SUGCT: variants seen among roughly 807,000 people sequenced by gnomAD.
SUGCT encodes succinyl-CoA:glutarate CoA-transferase.
SUGCT carries 41 observed loss-of-function variants against 55.0 expected under a neutral mutation model. The ratio of observed to expected loss-of-function variants is 0.74; its 90% CI spans 0.58 to 0.97. SUGCT has a LOEUF of 0.97. SUGCT is among the 50% of genes least tolerant of loss of function. The pLI is 0.00. For synonymous variants in SUGCT, 187 were observed against 200.4 expected (o/e 0.93, Z 0.56); for missense variants, 568 against 547.8 (o/e 1.04, Z -0.37).
rs907422081 is a variant in SUGCT, at chr7:40,393,069, C to G, written c.817-56218C>G. On this transcript the variant is annotated intron_variant, in intron 9 of 13. Transcript: ENST00000335693. ...ATTGACCATATGAGTCTGATCTTGT[C>G]GGCAGAGATTTGGGGTGGAAACAGT... 1.9e-4 allele frequency among the ~76,000 whole-genome samples: 29 copies of G among 152,074 alleles called. 1 individual carries two copies. The highest frequency in any genetic ancestry group is 1.8e-3 in the Admixed American group (28 of 15,252).
chr7:40,646,690 C>T (rs545455483), intron 12 of SUGCT, among the ~76,000 whole-genome samples: 10 of 152,310 alleles, frequency 6.6e-5, no homozygotes, highest in Non-Finnish European at 1.3e-4. Flanking sequence ...TTGTCACCTC[C>T]ACAAACAGGC....
At chr7:40,609,929 G>A (rs750719717) in intron 12 of SUGCT, among the ~76,000 whole-genome samples, 1 of 152,170 alleles carries the variant, frequency 6.6e-6, no homozygotes, top group African/African-American at 2.4e-5. Context: ...CAATGTAAGT[G>A]TTCAGGCTAT....
intron 5 of SUGCT, among the ~76,000 whole-genome samples, chr7:40,192,738 T>C (rs921112601): frequency 1.3e-5 from 2 of 151,118 alleles, no homozygotes; most frequent in Non-Finnish European, 2.9e-5. Flanking sequence ...TTCAAGCAAT[T>C]CTCCTGTCTC....
intron 9 of SUGCT, among the ~76,000 whole-genome samples, chr7:40,368,116 T>A (rs1056085337): frequency 6.6e-6 from 1 of 152,182 alleles, no homozygotes; most frequent in African/African-American, 2.4e-5. Context: ...AAAGTCTTCC[T>A]TGACCTCTTA....
intron 8 of SUGCT, among the ~76,000 whole-genome samples, chr7:40,315,339 G>A (rs894328791): frequency 2.0e-5 from 3 of 152,208 alleles, no homozygotes; most frequent in African/African-American, 7.2e-5. Context: ...AGACACAGAA[G>A]TGATCTGTGA....
chr7:40,972,280 T>C, the SUGCT span, among the ~76,000 whole-genome samples: 19 of 152,348 alleles, frequency 1.2e-4, no homozygotes, highest in East Asian at 1.9e-4. Context: ...ACAGTTAATG[T>C]CCTTGTTTTT....
chr7:40,819,537 T>G (rs1410856184), intron 13 of SUGCT, among the ~76,000 whole-genome samples: 1 of 152,236 alleles, frequency 6.6e-6, no homozygotes, highest in Non-Finnish European at 1.5e-5. Context: ...CATGTGTCTT[T>G]TGGCTGCATA....
chr7:40,650,213 A>G (rs1800710042), intron 12 of SUGCT, among the ~76,000 whole-genome samples: 1 of 152,240 alleles, frequency 6.6e-6, no homozygotes, highest in Admixed American at 6.5e-5. Context: ...CCTCAGGGCA[A>G]GGAAGAGAAA....
intron 12 of SUGCT, among the ~76,000 whole-genome samples, chr7:40,667,768 G>A (rs1219822455): frequency 6.6e-6 from 1 of 151,964 alleles, no homozygotes; most frequent in Admixed American, 6.6e-5. Context: ...AGGATCTTTT[G>A]TATTTCTGCA....
chr7:40,178,641 T>G (rs1188310196), intron 1 of SUGCT, among the ~76,000 whole-genome samples: 1 of 152,144 alleles, frequency 6.6e-6, no homozygotes, highest in Non-Finnish European at 1.5e-5. Context: ...GACCTGCTTT[T>G]TTCTCCCTAG....
intron 12 of SUGCT, among the ~76,000 whole-genome samples, chr7:40,623,592 A>C (rs959962989): frequency 6.6e-6 from 1 of 152,152 alleles, no homozygotes; most frequent in Admixed American, 6.5e-5. Context: ...CAATTCCAAG[A>C]ATTTTTTTGT....
rs370420072 is a variant in SUGCT, at chr7:40,830,088, AC to A, written c.1154-30226del. The stretch of plus-strand genomic sequence containing the variant: ...GAGCACACCCAATTGGCTCTACTTC[AC>A]CACACACACATTGAGTCAGAATACA... On this transcript the variant is annotated intron_variant, in intron 13 of 13. Transcript: ENST00000335693. Among the ~76,000 whole-genome samples, 417 of 152,018 alleles carry A rather than the reference AC, an allele frequency of 2.7e-3. 1 individual carries two copies. The highest frequency in any genetic ancestry group is 9.7e-3 in the African/African-American group (403 of 41,434).
chr7:40,989,693 C>G, the SUGCT span, among the ~76,000 whole-genome samples: 1 of 152,020 alleles, frequency 6.6e-6, no homozygotes, highest in Non-Finnish European at 1.5e-5. Flanking sequence ...ATCGCTGGAA[C>G]CTGGGAGGCA....
intron 7 of SUGCT, among the ~76,000 whole-genome samples, chr7:40,252,550 A>C (rs1790498091): frequency 6.6e-6 from 1 of 152,270 alleles, no homozygotes. Context: ...AGTCATCCTG[A>C]AAGTACTACA....
intron 7 of SUGCT, among the ~76,000 whole-genome samples, chr7:40,272,049 A>G (rs1318222357): frequency 7.2e-6 from 1 of 138,630 alleles, no homozygotes; most frequent in African/African-American, 2.7e-5. Flanking sequence ...GCTGAATAAT[A>G]TTCCTCTCTC....
chr7:40,811,509 T>C (rs1422312802), intron 13 of SUGCT, among the ~76,000 whole-genome samples: 1 of 152,114 alleles, frequency 6.6e-6, no homozygotes, highest in Non-Finnish European at 1.5e-5. Context: ...GTCTTGGGTA[T>C]TTTGTTTGTG....
the SUGCT span, among the ~76,000 whole-genome samples, chr7:41,031,240 C>T: frequency 1.3e-5 from 2 of 152,140 alleles, no homozygotes; most frequent in Admixed American, 6.5e-5. Context: ...TGCCAAGTCT[C>T]GGCAGGGCAG....
chr7:40,279,898 AG>A (rs1656047881), intron 8 of SUGCT, among the ~76,000 whole-genome samples: 1 of 152,180 alleles, frequency 6.6e-6, no homozygotes, highest in African/African-American at 2.4e-5. Flanking sequence ...TGCATTAAGT[AG>A]GTAACATTTG....
At chr7:40,889,334 A>G in the SUGCT span, among the ~76,000 whole-genome samples, 8 of 152,168 alleles carry the variant, frequency 5.3e-5, no homozygotes, top group Admixed American at 2.0e-4. Context: ...GCTAGTGGCA[A>G]TCCTTGAGGG....
Sources: gnomAD v4.1 joint callset for allele counts (sites outside exome capture counted in the v4.1 genomes callset) on GRCh38, gnomAD v4.1.1 for gene constraint, MANE v1.5 for transcripts, NCBI Gene and HGNC (gene_info 2026-07-23, HGNC 2026-07-21) for gene names.